IL1RAPL1: variants seen among roughly 807,000 people sequenced by gnomAD.
IL1RAPL1 encodes interleukin-1 receptor accessory protein-like 1.
A neutral mutation model predicts 48.4 loss-of-function variants in IL1RAPL1; 3 were observed. The ratio of observed to expected loss-of-function variants is 0.06; its 90% CI spans 0.03 to 0.16. The LOEUF is 0.16. Among genes scored for constraint, IL1RAPL1 ranks in the 10% least tolerant of loss-of-function variants. IL1RAPL1 has a pLI of 1.00. For missense variants in IL1RAPL1, 349 were observed against 530.6 expected (o/e 0.66, Z 3.36); for synonymous variants, 185 against 187.7 (o/e 0.99, Z 0.12).
chrX:29,750,922 A>C (rs1390825833), intron 6 of IL1RAPL1, among the ~76,000 whole-genome samples: 1 of 111,457 alleles, frequency 9.0e-6, no homozygotes, highest in Non-Finnish European at 1.9e-5. Flanking sequence ...GTCACTAAGC[A>C]TCATCCATAA....
At chrX:29,379,443 A>T in intron 3 of IL1RAPL1, among the ~76,000 whole-genome samples, 1 of 112,184 alleles carries the variant, frequency 8.9e-6, no homozygotes, top group East Asian at 2.8e-4. Context: ...ACCTAAGGCC[A>T]TGCCCTACTG....
At chrX:29,171,065 C>T (rs1929898553) in intron 2 of IL1RAPL1, among the ~76,000 whole-genome samples, 1 of 110,956 alleles carries the variant, frequency 9.0e-6, no homozygotes, top group South Asian at 3.8e-4. Context: ...GGCACGATCT[C>T]GGCTCACTGC....
intron 5 of IL1RAPL1, among the ~76,000 whole-genome samples, chrX:29,666,170 C>T (rs934599620): frequency 1.7e-4 from 19 of 110,198 alleles, no homozygotes; most frequent in Non-Finnish European, 3.0e-4. Context: ...TACAAAGCAC[C>T]GTAAGGTATA....
At chrX:28,794,972 T>C (rs896023170) in intron 2 of IL1RAPL1, among the ~76,000 whole-genome samples, 3 of 111,623 alleles carry the variant, frequency 2.7e-5, no homozygotes, top group Non-Finnish European at 5.7e-5. Context: ...TCAATGAGCT[T>C]AATTTCACAT....
At chrX:29,044,424 C>T (rs1421923658) in intron 2 of IL1RAPL1, among the ~76,000 whole-genome samples, 1 of 109,861 alleles carries the variant, frequency 9.1e-6, no homozygotes, top group Non-Finnish European at 1.9e-5. Flanking sequence ...AGTGAGACTC[C>T]GTCTCTAAAC....
At chrX:29,530,337 A>G (rs1935599481) in intron 5 of IL1RAPL1, among the ~76,000 whole-genome samples, 1 of 111,545 alleles carries the variant, frequency 9.0e-6, no homozygotes, top group Non-Finnish European at 1.9e-5. Flanking sequence ...GAGAGGAAAT[A>G]CCAGGAGATG....
intron 2 of IL1RAPL1, among the ~76,000 whole-genome samples, chrX:28,891,274 T>C (rs1265777908): frequency 1.8e-5 from 2 of 111,888 alleles, no homozygotes; most frequent in Admixed American, 1.9e-4. Flanking sequence ...GTGTGTCTAA[T>C]CCAGTCACTG....
intron 3 of IL1RAPL1, among the ~76,000 whole-genome samples, chrX:29,323,434 T>G (rs1450137853): frequency 9.3e-6 from 1 of 107,586 alleles, no homozygotes; most frequent in African/African-American, 3.4e-5. Context: ...TGTTCATTAC[T>G]CTGTCTTAGT....
At chrX:29,131,975 C>A (rs1220185186) in intron 2 of IL1RAPL1, among the ~76,000 whole-genome samples, 1 of 111,403 alleles carries the variant, frequency 9.0e-6, no homozygotes, top group Non-Finnish European at 1.9e-5. Flanking sequence ...ACAGATCTCT[C>A]AAAATGGAAT....
chrX:29,683,961 A>G (rs1926540798), intron 6 of IL1RAPL1, among the ~76,000 whole-genome samples: 1 of 111,983 alleles, frequency 8.9e-6, no homozygotes, highest in African/African-American at 3.2e-5. Flanking sequence ...TAACTGGGTT[A>G]TTATTGTTAA....
intron 2 of IL1RAPL1, among the ~76,000 whole-genome samples, chrX:29,174,204 G>A (rs895034518): frequency 9.0e-6 from 1 of 111,358 alleles, no homozygotes; most frequent in Non-Finnish European, 1.9e-5. Context: ...GATTACAGGT[G>A]TGAGCCACCA....
chrX:28,892,634 G>A (rs1569194201), intron 2 of IL1RAPL1, among the ~76,000 whole-genome samples: 2 of 110,352 alleles, frequency 1.8e-5, no homozygotes, highest in South Asian at 7.8e-4. Flanking sequence ...GTGTTGGGGC[G>A]GCGAAAATTT....
intron 6 of IL1RAPL1, among the ~76,000 whole-genome samples, chrX:29,809,357 C>G (rs1930331298): frequency 9.1e-6 from 1 of 109,601 alleles, no homozygotes; most frequent in Non-Finnish European, 1.9e-5. Context: ...CCGCCCTCAG[C>G]CTCCCAAAGT....
intron 5 of IL1RAPL1, among the ~76,000 whole-genome samples, chrX:29,595,033 T>A (rs758808443): frequency 1.8e-5 from 2 of 112,351 alleles, no homozygotes; most frequent in East Asian, 5.6e-4. Flanking sequence ...AGTCTCCAGT[T>A]CCACCCAGGT....
chrX:28,790,481 T>C (rs1002678548), intron 2 of IL1RAPL1, among the ~76,000 whole-genome samples: 69 of 112,809 alleles, frequency 6.1e-4, no homozygotes, highest in African/African-American at 2.1e-3. Context: ...AGCTCTGCTC[T>C]CGTGAGCCCC....
chrX:29,671,555 C>A (rs1449451581), intron 6 of IL1RAPL1, among the ~76,000 whole-genome samples: 1 of 112,436 alleles, frequency 8.9e-6, no homozygotes, highest in Non-Finnish European at 1.9e-5. Flanking sequence ...ATTTACATAA[C>A]TTTCAGGCAT....
chrX:29,339,528 C>G (rs1390646864), intron 3 of IL1RAPL1, among the ~76,000 whole-genome samples: 1 of 111,459 alleles, frequency 9.0e-6, no homozygotes, highest in Non-Finnish European at 1.9e-5. Flanking sequence ...TTTTAAAGAA[C>G]TATTCTAGAT....
chrX:29,425,694 C>T (rs183102049), intron 5 of IL1RAPL1, among the ~76,000 whole-genome samples: 9 of 111,443 alleles, frequency 8.1e-5, no homozygotes, highest in East Asian at 5.6e-4. Flanking sequence ...ATCCGCCCAC[C>T]TCAGCATCCC....
chrX:29,196,990 A>C (rs1260813813), intron 2 of IL1RAPL1, among the ~76,000 whole-genome samples: 1 of 110,316 alleles, frequency 9.1e-6, no homozygotes, highest in East Asian at 2.8e-4. Context: ...GCTCAAACCC[A>C]ACTTCATCTT....
Sources: gnomAD v4.1 joint callset for allele counts (sites outside exome capture counted in the v4.1 genomes callset) on GRCh38, gnomAD v4.1.1 for gene constraint, MANE v1.5 for transcripts, NCBI Gene and HGNC (gene_info 2026-07-23, HGNC 2026-07-21) for gene names.